CDC42BPG: variants seen among roughly 807,000 people sequenced by gnomAD.
The protein encoded by CDC42BPG is CDC42 binding protein kinase gamma.
Under a neutral mutation model 192.2 loss-of-function variants are expected in CDC42BPG, and 157 were observed. That is an observed-to-expected ratio of 0.82 (90% CI 0.72 to 0.93). The LOEUF (loss-of-function observed/expected upper bound fraction) is 0.93, where lower values mean the gene tolerates loss of function less well. Among genes scored for constraint, CDC42BPG ranks in the 40% least tolerant of loss-of-function variants. The pLI is 0.00. For synonymous variants in CDC42BPG, 981 were observed against 918.5 expected (o/e 1.07, Z -1.23); for missense variants, 1,992 against 2,122.1 (o/e 0.94, Z 1.20).
At position 64,836,737 on chromosome 11, in the gene CDC42BPG, ACC is replaced by A; in HGVS notation, c.1384_1384+1del. On this transcript the variant is annotated splice_donor_variant and coding_sequence_variant, in exon 11 of 37. Coordinates refer to ENST00000342711, the MANE Select transcript of CDC42BPG (RefSeq NM_017525.3). LOFTEE classifies it high-confidence loss of function. ...GGGGGGGGGGGTGGGCGGAAGGGATACCTGGCAGCCTGTCCCGCAGAGTCTGC... is the reference window on the plus strand; with the variant it reads ...GGGGGGGGGGGTGGGCGGAAGGGATATGGCAGCCTGTCCCGCAGAGTCTGC... The A allele has an allele frequency of 9.8e-7, 1 of 1,016,280 alleles. No individual in the cohort carries two copies. The highest frequency in any genetic ancestry group is 1.6e-5 in the South Asian group (1 of 63,992). The allele number at this position is 1,016,280 out of a possible 1,614,324, so 63.0% of individuals were successfully genotyped here.
Position 64,829,342 on chromosome 11 carries a change from G to T in CDC42BPG, c.3967+129C>A, listed in dbSNP as rs1005784152. The T allele has an allele frequency of 5.0e-6, 6 of 1,209,312 alleles. No homozygotes were observed. The African/African-American group carries it at 9.1e-5, about 18-fold the overall frequency. 74.9% of individuals were successfully genotyped at this position (1,209,312 alleles called of 1,614,324 possible). A position where few individuals can be genotyped will look rare whatever the true frequency, so the allele number is the denominator to read the frequency against. ...GCCACAGAGGGTGGGACAGGGTGTT[G>T]TTGGGCTGGAGGATGCAAACTGGCA... On this transcript the variant is annotated intron_variant, in intron 30 of 36. Transcript: ENST00000342711.
chr11:64,828,414 G>A (rs188132307), intron 30 of CDC42BPG, among the ~76,000 whole-genome samples: 160 of 152,358 alleles, frequency 1.1e-3, no homozygotes, highest in African/African-American at 3.6e-3. Flanking sequence ...AGTGCACCAA[G>A]CCAGTCATGA....
At chr11:64,827,440 C>T (rs1029581047) in intron 32 of CDC42BPG, 42 bp from the exon 33 acceptor site, 2 of 1,605,064 alleles carry the variant, frequency 1.2e-6, no homozygotes, top group Non-Finnish European at 1.7e-6. Context: ...CACACATTCC[C>T]GGGGCCCAGT....
Position 64,824,260 on chromosome 11 carries a change from G to A in CDC42BPG, c.*213C>T, listed in dbSNP as rs373137912. On this transcript the variant is annotated 3_prime_UTR_variant, in exon 37 of 37. Coordinates refer to ENST00000342711, the MANE Select transcript of CDC42BPG (RefSeq NM_017525.3). The stretch of plus-strand genomic sequence containing the variant: ...TTCCCAATGGCTTAGAAAGGCTGGG[G>A]CTGGGAACAGAGGGGTAAGGCAGGA... 3 of 631,850 alleles carry A rather than the reference G, an allele frequency of 4.7e-6. No individual in the cohort carries two copies. The East Asian group carries it at 8.3e-5, about 17-fold the overall frequency. The allele number at this position is 631,850 out of a possible 1,614,324, so 39.1% of individuals were successfully genotyped here.
chr11:64,836,126 G>A lies in CDC42BPG; in HGVS notation c.1659C>T (p.Ala553=), dbSNP rs1315227593. ...CACCCTGGTCACTCACCTCCCTCTGGGCAGCCCGGGCTTCCTCCAGCTGGG... is the reference window on the plus strand; with the variant it reads ...CACCCTGGTCACTCACCTCCCTCTGAGCAGCCCGGGCTTCCTCCAGCTGGG... The part of the protein sequence containing the change: ...LSSQLEEARA[A]QRELEAQVSS... The change falls in exon 13 of 37, where the codon GCC becomes GCT. Residue 553 remains alanine, a synonymous_variant. Transcript: ENST00000342711. The A allele has an allele frequency of 3.8e-6, 6 of 1,598,688 alleles. No homozygotes were observed. The highest frequency in any genetic ancestry group is 5.1e-6 in the Non-Finnish European group (6 of 1,174,514).
At position 64,835,052 on chromosome 11, in the gene CDC42BPG, G is replaced by T. The variant is rs1362176962; in HGVS notation, c.2055C>A (p.Leu685=). ...GACCCACCCCTGGCACCCACCAGCT[G>T]AGGATGTCGGCGAGCTGGGCCTCCC... ...SNWEAQLADI[L]SWVNDEKVSR... is the part of the protein sequence containing the mutation. Residue 685 remains leucine, a synonymous_variant, in exon 17 of 37, where the codon CTC becomes CTA. Coordinates refer to ENST00000342711, the MANE Select transcript of CDC42BPG (RefSeq NM_017525.3). 1.3e-6 allele frequency: 2 copies of T among 1,507,222 alleles called. No individual in the cohort carries two copies. The highest frequency in any genetic ancestry group is 2.8e-5 in the African/African-American group (2 of 70,222). 93.4% of individuals were successfully genotyped at this position (1,507,222 alleles called of 1,614,324 possible).
At chr11:64,834,196 G>A in intron 20 of CDC42BPG, 70 bp downstream of exon 20, 1 of 1,477,172 alleles carries the variant, frequency 6.8e-7, no homozygotes, top group Admixed American at 2.0e-5. Context: ...AGGCCATCGT[G>A]GAGCCCCCTT....
chr11:64,826,890 G>C, intron 34 of CDC42BPG, 96 bp from the exon 35 acceptor site: 1 of 1,350,384 alleles, frequency 7.4e-7, no homozygotes, highest in Non-Finnish European at 1.0e-6. Context: ...ACGCCACTGG[G>C]CCCCCAGCCT....
In CDC42BPG at chr11:64,844,141, C is replaced by T. The variant is rs559300679; in HGVS notation, c.160+269G>A. 2.0e-5 allele frequency among the ~76,000 whole-genome samples: 3 copies of T among 152,082 alleles called. No homozygotes were observed. The South Asian group carries it at 6.3e-4, about 32-fold the overall frequency. On this transcript the variant is annotated intron_variant, in intron 1 of 36. Coordinates refer to ENST00000342711, the MANE Select transcript of CDC42BPG (RefSeq NM_017525.3). ...GCGGTGCACTGGGTACATGCGTCTG[C>T]GGTCGATACCTGAGCACAAGTTGGT... is the stretch of plus-strand genomic sequence containing the variant.
At chr11:64,839,319 C>T in intron 6 of CDC42BPG, 86 bp from the exon 7 acceptor site, 2 of 1,560,068 alleles carry the variant, frequency 1.3e-6, no homozygotes, top group African/African-American at 1.4e-5. Flanking sequence ...GTCACCCCTA[C>T]TCTGCCAGGC....
intron 18 of CDC42BPG, 23 bp from the exon 19 acceptor site, chr11:64,834,600 A>T (rs1244430100): frequency 6.5e-7 from 1 of 1,530,708 alleles, no homozygotes; most frequent in East Asian, 2.3e-5. Context: ...GAGCACCCGT[A>T]TAAGATGCTT....
intron 36 of CDC42BPG, among the ~76,000 whole-genome samples, chr11:64,826,067 GAAAAAA>G (rs10692629): frequency 7.5e-6 from 1 of 134,006 alleles, no homozygotes; most frequent in East Asian, 2.2e-4. Context: ...ACTCCATCTG[GAAAAAA>G]AAAAAAAAAA....
chr11:64,841,960 T>C, intron 1 of CDC42BPG, 56 bp from the exon 2 acceptor site: 1 of 1,410,406 alleles, frequency 7.1e-7, no homozygotes, highest in Non-Finnish European at 9.8e-7. Flanking sequence ...CCATTCCCCC[T>C]CTCACCTTGG....
Position 64,840,117 on chromosome 11 carries a change from C to T in CDC42BPG, c.581+3G>A, listed in dbSNP as rs751086517. On this transcript the variant is annotated splice_donor_region_variant and intron_variant, in intron 5 of 36. Coordinates refer to ENST00000342711, the MANE Select transcript of CDC42BPG (RefSeq NM_017525.3). ...GGGCAGGGCAGCGGGGTTGGGGCCC[C>T]ACCTGTGGACATAACCCAGCTGGTG... 1.9e-6 allele frequency: 3 copies of T among 1,610,748 alleles called. No homozygotes were observed. Among genetic ancestry groups the T allele is most frequent in the Admixed American group, 1.7e-5 (1 of 59,804 alleles).
chr11:64,831,859 A>G (rs1942709287), intron 27 of CDC42BPG, 138 bp from the exon 28 acceptor site: 3 of 727,928 alleles, frequency 4.1e-6, no homozygotes, highest in South Asian at 3.6e-5. Context: ...ACAGGCAAAC[A>G]GACAACTCCA....
rs372531928 is a variant in CDC42BPG, at chr11:64,831,518, G to A, written c.3291C>T (p.Cys1097=). Residue 1097 remains cysteine (C), a synonymous_variant, in exon 28 of 37, where the codon TGC becomes TGT. Transcript: ENST00000342711. ...NGLPLLPHTL[C]AAILDQDRLA... ...CCACCAGCTCACCGAGGATGGCAGC[G>A]CAGAGCGTGTGAGGCAGCAGCGGCA... The A allele has an allele frequency of 3.5e-5, 56 of 1,609,410 alleles. No homozygotes were observed. Among genetic ancestry groups the A allele is most frequent in the South Asian group, 2.4e-4 (22 of 90,844 alleles).
intron 8 of CDC42BPG, 22 bp downstream of exon 8, chr11:64,838,632 T>A: frequency 1.2e-6 from 2 of 1,609,364 alleles, no homozygotes; most frequent in Non-Finnish European, 1.7e-6. Context: ...GCTCCCCTCC[T>A]GCAGTGGCCT....
At chr11:64,839,285 C>T (rs761020961) in intron 6 of CDC42BPG, 52 bp from the exon 7 acceptor site, 1 of 1,602,318 alleles carries the variant, frequency 6.2e-7, no homozygotes, top group Admixed American at 1.7e-5. Context: ...TTGGCTGGGA[C>T]TGCTGGCTCC....
chr11:64,826,345 G>A (rs1466583352), intron 36 of CDC42BPG, 125 bp downstream of exon 36: 21 of 700,354 alleles, frequency 3.0e-5, no homozygotes, highest in South Asian at 6.7e-5. Context: ...TCTGCATCTC[G>A]TAGAATCGAG....
Sources: allele counts gnomAD v4.1 joint callset (sites outside exome capture counted in the v4.1 genomes callset), GRCh38; gene constraint gnomAD v4.1.1; transcripts MANE v1.5; gene names NCBI Gene and HGNC (gene_info 2026-07-23, HGNC 2026-07-21).